CSMD1: variants seen among roughly 807,000 people sequenced by gnomAD.
CSMD1 encodes CUB and Sushi multiple domains 1.
Under a neutral mutation model 417.5 loss-of-function variants are expected in CSMD1, and 213 were observed. The ratio of observed to expected loss-of-function variants is 0.51; its 90% CI spans 0.46 to 0.57. The LOEUF (loss-of-function observed/expected upper bound fraction) is 0.57. CSMD1 is among the 20% of genes least tolerant of loss of function. The pLI is 0.00. For missense variants in CSMD1, 6,923 were observed against 4,529.7 expected (o/e 1.53, Z -15.17); for synonymous variants, 2,862 against 1,736.8 (o/e 1.65, Z -16.11).
At chr8:4,940,127 C>G (rs868850634) in intron 1 of CSMD1, among the ~76,000 whole-genome samples, 3 of 152,018 alleles carry the variant, frequency 2.0e-5, no homozygotes, top group African/African-American at 4.8e-5. Context: ...CTTGGCTCCC[C>G]CTGTGAGAGC....
chr8:4,223,618 A>G (rs1801175116), intron 3 of CSMD1, among the ~76,000 whole-genome samples: 1 of 152,242 alleles, frequency 6.6e-6, no homozygotes, highest in Non-Finnish European at 1.5e-5. Context: ...ATGGGAAAGA[A>G]TAGATTAGCA....
At position 3,179,136 on chromosome 8, in the gene CSMD1, G is replaced by A. The variant is rs532589138; in HGVS notation, c.5725+1974C>T. On this transcript the variant is annotated intron_variant, in intron 37 of 69. Transcript: ENST00000635120. The stretch of plus-strand genomic sequence containing the variant: ...AATTCTTTGTATTTTTAGTAGATAC[G>A]GGGTTTCAACGTGTTAGCCAGGACT... Among the ~76,000 whole-genome samples the A allele has an allele frequency of 3.0e-4, 46 of 151,004 alleles. 1 individual carries two copies. The highest frequency in any genetic ancestry group is 1.9e-3 in the South Asian group (9 of 4,712).
chr8:4,093,604 C>A (rs886643277), intron 3 of CSMD1, among the ~76,000 whole-genome samples: 1 of 152,054 alleles, frequency 6.6e-6, no homozygotes, highest in East Asian at 1.9e-4. Context: ...ATGCTTTTTC[C>A]CTATTTGAAA....
intron 6 of CSMD1, among the ~76,000 whole-genome samples, chr8:3,743,815 C>A (rs533946969): frequency 6.6e-6 from 1 of 152,266 alleles, no homozygotes; most frequent in African/African-American, 2.4e-5. Context: ...CCTTGCCCAC[C>A]AGACACAAAT....
intron 3 of CSMD1, among the ~76,000 whole-genome samples, chr8:4,133,630 C>T (rs79896962): frequency 0.027 from 4,108 of 151,996 alleles, 192 homozygotes; most frequent in African/African-American, 0.093. Flanking sequence ...ACTAGCAATG[C>T]GAAGAGGAAA....
intron 52 of CSMD1, among the ~76,000 whole-genome samples, chr8:3,013,616 G>C (rs1255732330): frequency 1.3e-5 from 2 of 152,042 alleles, no homozygotes; most frequent in African/African-American, 4.8e-5. Flanking sequence ...GCCAGGTGTG[G>C]TGGTGGGTGC....
intron 8 of CSMD1, among the ~76,000 whole-genome samples, chr8:3,591,401 G>A (rs1023763170): frequency 3.3e-5 from 5 of 152,050 alleles, no homozygotes; most frequent in South Asian, 2.1e-4. Flanking sequence ...TTCCAAACAC[G>A]CTTTAGTTGT....
intron 1 of CSMD1, among the ~76,000 whole-genome samples, chr8:4,805,575 G>A (rs1191815912): frequency 6.6e-6 from 1 of 152,178 alleles, no homozygotes; most frequent in African/African-American, 2.4e-5. Flanking sequence ...AATGTGAAAT[G>A]GAGAGGAAGA....
At chr8:3,765,214 A>C (rs1415287787) in intron 5 of CSMD1, among the ~76,000 whole-genome samples, 2 of 151,800 alleles carry the variant, frequency 1.3e-5, no homozygotes, top group Non-Finnish European at 2.9e-5. Context: ...GGTGGCGATC[A>C]CTCCCTCGAC....
In CSMD1 at chr8:4,964,130, T is replaced by C. The variant is rs1809692219; in HGVS notation, c.85+30202A>G. 2.0e-5 allele frequency among the ~76,000 whole-genome samples: 3 copies of C among 152,190 alleles called. No homozygotes were observed. In the South Asian group the frequency reaches 6.2e-4, roughly 32 times the overall value. The stretch of plus-strand genomic sequence containing the variant: ...TCAAGTGGCACTATCTTCATTTTTA[T>C]CTTCACATTCTTTCCAAAGACTTCA... On this transcript the variant is annotated intron_variant, in intron 1 of 69. Transcript: ENST00000635120.
At chr8:4,666,058 G>C (rs994284232) in intron 1 of CSMD1, among the ~76,000 whole-genome samples, 1 of 152,056 alleles carries the variant, frequency 6.6e-6, no homozygotes, top group African/African-American at 2.4e-5. Flanking sequence ...CATAGTAACT[G>C]GCACATAGGA....
chr8:4,369,218 T>G (rs979140036), intron 3 of CSMD1, among the ~76,000 whole-genome samples: 1 of 152,160 alleles, frequency 6.6e-6, no homozygotes, highest in South Asian at 2.1e-4. Flanking sequence ...AAAAGTCATT[T>G]GGTGTCAAGT....
At chr8:3,836,774 A>G (rs1038988758) in intron 5 of CSMD1, among the ~76,000 whole-genome samples, 5 of 152,152 alleles carry the variant, frequency 3.3e-5, no homozygotes, top group African/African-American at 1.2e-4. Context: ...TTCTCACTGC[A>G]CAATCTTAGT....
chr8:3,844,787 C>G (rs145218670), intron 5 of CSMD1, among the ~76,000 whole-genome samples: 62 of 152,246 alleles, frequency 4.1e-4, no homozygotes, highest in African/African-American at 1.4e-3. Context: ...CATACTCTGC[C>G]ACTTCTGTTC....
intron 5 of CSMD1, among the ~76,000 whole-genome samples, chr8:3,993,922 T>A (rs923456477): frequency 2.6e-5 from 4 of 152,170 alleles, no homozygotes; most frequent in African/African-American, 9.6e-5. Context: ...AACGTGCAGC[T>A]GAACAAATGC....
At chr8:4,462,935 C>A (rs914676856) in intron 2 of CSMD1, among the ~76,000 whole-genome samples, 1 of 151,988 alleles carries the variant, frequency 6.6e-6, no homozygotes, top group Non-Finnish European at 1.5e-5. Flanking sequence ...ACATCAAAAG[C>A]ACAAGAAAAG....
chr8:4,076,500 A>G (rs1389495031), intron 3 of CSMD1, among the ~76,000 whole-genome samples: 1 of 152,224 alleles, frequency 6.6e-6, no homozygotes, highest in Non-Finnish European at 1.5e-5. Context: ...ATTACTAGAA[A>G]TGTAAGTATA....
At chr8:4,163,587 C>T (rs1797288055) in intron 3 of CSMD1, among the ~76,000 whole-genome samples, 1 of 152,110 alleles carries the variant, frequency 6.6e-6, no homozygotes, top group South Asian at 2.1e-4. Flanking sequence ...GATAAAACTT[C>T]CTGTTTTAAA....
At chr8:3,860,631 C>A (rs1804637062) in intron 5 of CSMD1, among the ~76,000 whole-genome samples, 2 of 152,070 alleles carry the variant, frequency 1.3e-5, no homozygotes, top group Admixed American at 1.3e-4. Context: ...TAGTTACAGT[C>A]CATTAATTTT....
Sources: allele counts gnomAD v4.1 joint callset (sites outside exome capture counted in the v4.1 genomes callset), GRCh38; gene constraint gnomAD v4.1.1; transcripts MANE v1.5; gene names NCBI Gene and HGNC (gene_info 2026-07-23, HGNC 2026-07-21).